ASAP1: variants seen among roughly 807,000 people sequenced by gnomAD.
ASAP1 encodes the protein ArfGAP with SH3 domain, ankyrin repeat and PH domain 1.
ASAP1 carries 43 observed loss-of-function variants against 145.2 expected under a neutral mutation model. The observed-to-expected ratio is 0.30, with a 90% CI of 0.23 to 0.38. ASAP1 has a LOEUF of 0.38. Ranked by LOEUF, ASAP1 falls within the 10% of genes least tolerant of loss-of-function variation. The pLI, the probability that ASAP1 is intolerant of heterozygous loss-of-function variation, is 1.00. For missense variants in ASAP1, 1,018 were observed against 1,355.3 expected, an observed-to-expected ratio of 0.75 and a Z score of 3.91; for synonymous variants, 546 against 515.5, an observed-to-expected ratio of 1.06 and a Z score of -0.80.
intron 3 of ASAP1, among the ~76,000 whole-genome samples, chr8:130,346,068 C>T (rs1264089740): frequency 6.6e-6 from 1 of 152,184 alleles, no homozygotes; most frequent in East Asian, 1.9e-4. Flanking sequence ...ACCAGGTCTG[C>T]CTTCAAGATT....
At chr8:130,185,884 A>C (rs1221647438) in intron 7 of ASAP1, among the ~76,000 whole-genome samples, 1 of 152,192 alleles carries the variant, frequency 6.6e-6, no homozygotes, top group Non-Finnish European at 1.5e-5. Flanking sequence ...AGATACTTCT[A>C]GGTCTTCAGC....
At chr8:130,056,085 ATGATCACTGCT>A (rs2097403424) in intron 29 of ASAP1, among the ~76,000 whole-genome samples, 1 of 152,252 alleles carries the variant, frequency 6.6e-6, no homozygotes, top group Non-Finnish European at 1.5e-5. Context: ...AGCAAAGAAC[ATGATCACTGCT>A]TGATTATAAT....
rs76911196 is a variant in ASAP1 at position 130,234,513 on chromosome 8, T to C, written c.259+2409A>G. 1.6e-3 allele frequency among the ~76,000 whole-genome samples: 248 copies of C among 152,192 alleles called. 1 individual carries two copies. The highest frequency in any genetic ancestry group is 9.7e-3 in the East Asian group (50 of 5,164). ...TTGAACTCTCACCTCTTTACATCCA[T>C]ACAGGAACAATCTCTCCCTTCTGTC... On this transcript the variant is annotated intron_variant, in intron 4 of 29. Transcript: ENST00000518721.
At chr8:130,294,102 G>T (rs1005151263) in intron 3 of ASAP1, among the ~76,000 whole-genome samples, 6 of 152,140 alleles carry the variant, frequency 3.9e-5, no homozygotes, top group African/African-American at 1.2e-4. Flanking sequence ...TCCATACGAA[G>T]AAACAATGGC....
At chr8:130,152,861 C>A in intron 12 of ASAP1, 56 bp from the exon 13 acceptor site, 3 of 1,309,976 alleles carry the variant, frequency 2.3e-6, no homozygotes, top group Admixed American at 1.8e-5. Flanking sequence ...CTGGGACATG[C>A]GACGATACAG....
intron 13 of ASAP1, among the ~76,000 whole-genome samples, chr8:130,147,481 A>T (rs1018705132): frequency 1.3e-5 from 2 of 152,232 alleles, no homozygotes; most frequent in African/African-American, 4.8e-5. Flanking sequence ...GTCTGGCTCC[A>T]GGGTTCCAGA....
intron 3 of ASAP1, among the ~76,000 whole-genome samples, chr8:130,300,238 C>T (rs1586785971): frequency 6.6e-6 from 1 of 150,944 alleles, no homozygotes; most frequent in Admixed American, 6.6e-5. Context: ...CAGAATTTCA[C>T]AGTGATCAGG....
At chr8:130,351,943 TTTCC>T (rs1161766505) in intron 3 of ASAP1, among the ~76,000 whole-genome samples, 1 of 152,208 alleles carries the variant, frequency 6.6e-6, no homozygotes, top group South Asian at 2.1e-4. Flanking sequence ...ACATATACAA[TTTCC>T]TTCTCCCTTT....
At chr8:130,420,276 AC>A in intron 1 of ASAP1, among the ~76,000 whole-genome samples, 1 of 139,066 alleles carries the variant, frequency 7.2e-6, no homozygotes, top group African/African-American at 2.6e-5. Context: ...ACACACACAC[AC>A]ACAATAGCAA....
chr8:130,186,381 T>G (rs2136211849), intron 7 of ASAP1, among the ~76,000 whole-genome samples: 1 of 152,328 alleles, frequency 6.6e-6, no homozygotes, highest in Admixed American at 6.5e-5. Context: ...TTTATCCTGC[T>G]GCTATTGCTG....
At chr8:130,256,036 T>C (rs1819493538) in intron 3 of ASAP1, among the ~76,000 whole-genome samples, 1 of 152,104 alleles carries the variant, frequency 6.6e-6, no homozygotes, top group Admixed American at 6.5e-5. Flanking sequence ...AATATCTTAT[T>C]AGGAAGAGAG....
chr8:130,364,571 G>T (rs1408516316), intron 2 of ASAP1, among the ~76,000 whole-genome samples: 2 of 152,136 alleles, frequency 1.3e-5, no homozygotes, highest in Non-Finnish European at 2.9e-5. Context: ...ACAGCCCCAG[G>T]ATGCTTTTTC....
At chr8:130,396,182 G>GT (rs1308205043) in intron 2 of ASAP1, among the ~76,000 whole-genome samples, 2 of 152,206 alleles carry the variant, frequency 1.3e-5, no homozygotes, top group Admixed American at 6.5e-5. Flanking sequence ...GAGGAACCAT[G>GT]TTTTTTATCT....
At position 130,137,235 on chromosome 8, in the gene ASAP1, C is replaced by A. The variant is rs529412980; in HGVS notation, c.1081-197G>T. On this transcript the variant is annotated intron_variant, in intron 13 of 29. Transcript: ENST00000518721. Reference sequence around the variant, plus strand: ...AAGACAACAGATCTGTAGGTTTCTGCCCTCAAATATAAGCTGGTAAGTTTA... The same window carrying A: ...AAGACAACAGATCTGTAGGTTTCTGACCTCAAATATAAGCTGGTAAGTTTA... Among the ~76,000 whole-genome samples the A allele has an allele frequency of 3.3e-5, 5 of 152,308 alleles. No homozygotes were observed. The East Asian group carries it at 9.6e-4, about 29-fold the overall frequency.
chr8:130,279,233 G>A (rs1032440661), intron 3 of ASAP1, among the ~76,000 whole-genome samples: 6 of 152,110 alleles, frequency 3.9e-5, no homozygotes, highest in Non-Finnish European at 8.8e-5. Context: ...AAAAGTACAC[G>A]GGGGAGGCAC....
chr8:130,137,129 A>G, intron 13 of ASAP1, 91 bp from the exon 14 acceptor site: 1 of 1,026,550 alleles, frequency 9.7e-7, no homozygotes, highest in Non-Finnish European at 1.6e-6. Flanking sequence ...TGCTGTTCAT[A>G]AGGCCTGCTC....
At chr8:130,296,629 A>G (rs1822294999) in intron 3 of ASAP1, among the ~76,000 whole-genome samples, 4 of 151,324 alleles carry the variant, frequency 2.6e-5, no homozygotes, top group Admixed American at 6.6e-5. Context: ...ACCTCCTTCA[A>G]CCTCAGATCC....
intron 4 of ASAP1, among the ~76,000 whole-genome samples, chr8:130,220,039 T>A (rs571041601): frequency 1.3e-5 from 2 of 152,194 alleles, no homozygotes; most frequent in Non-Finnish European, 2.9e-5. Flanking sequence ...TCCTCCCACA[T>A]TGGCCACCCA....
At chr8:130,423,293 C>T (rs1284985130) in intron 1 of ASAP1, among the ~76,000 whole-genome samples, 1 of 152,134 alleles carries the variant, frequency 6.6e-6, no homozygotes, top group African/African-American at 2.4e-5. Flanking sequence ...GAACATTTAT[C>T]TTTAGTCCAT....
Sources: allele counts gnomAD v4.1 joint callset (sites outside exome capture counted in the v4.1 genomes callset), GRCh38; gene constraint gnomAD v4.1.1; transcripts MANE v1.5; gene names NCBI Gene and HGNC (gene_info 2026-07-23, HGNC 2026-07-21).